SMG6: variants seen among roughly 807,000 people sequenced by gnomAD.
The protein encoded by SMG6 is SMG6 nonsense mediated mRNA decay factor.
SMG6 carries 66 observed loss-of-function variants against 142.2 expected under a neutral mutation model. The ratio of observed to expected loss-of-function variants is 0.46; its 90% confidence interval spans 0.38 to 0.57. The LOEUF is 0.57. Among genes scored for constraint, SMG6 ranks in the 20% least tolerant of loss-of-function variants. The pLI is 0.00. For missense variants in SMG6, 1,793 were observed against 1,832.0 expected (o/e 0.98, Z 0.39); for synonymous variants, 779 against 702.4 (o/e 1.11, Z -1.72).
chr17:2,188,383 G>T lies in SMG6; in HGVS notation c.2986+16C>A. On this transcript the variant is annotated intron_variant, in intron 11 of 18. Coordinates refer to ENST00000263073, the MANE Select transcript of SMG6 (RefSeq NM_017575.5). ...CAACTGGAAAGCCCACCAGGCTGGGGACTCCTCCTGCTTACCTTTGGCGGA... is the reference window on the plus strand; with the variant it reads ...CAACTGGAAAGCCCACCAGGCTGGGTACTCCTCCTGCTTACCTTTGGCGGA... 1 of 1,610,318 alleles carries T rather than the reference G, an allele frequency of 6.2e-7. No individual in the cohort carries two copies. The highest frequency in any genetic ancestry group is 1.7e-4 in the Middle Eastern group (1 of 6,048).
chr17:2,168,086 T>C (rs771666417), intron 13 of SMG6, among the ~76,000 whole-genome samples: 7 of 152,188 alleles, frequency 4.6e-5, no homozygotes, highest in Non-Finnish European at 1.0e-4. Flanking sequence ...CAGGCTGGTT[T>C]AGAGATCCTG....
At chr17:2,066,280 G>A (rs1036656411) in intron 16 of SMG6, among the ~76,000 whole-genome samples, 1 of 151,460 alleles carries the variant, frequency 6.6e-6, no homozygotes, top group African/African-American at 2.4e-5. Context: ...GTCTGTGTGC[G>A]TGTATGTGTC....
chr17:2,237,820 G>A (rs2073705090), intron 9 of SMG6, among the ~76,000 whole-genome samples: 1 of 152,174 alleles, frequency 6.6e-6, no homozygotes. Context: ...GCAAGTTCAA[G>A]CTTGGTGCTA....
chr17:2,123,758 G>C (rs2069778377), intron 13 of SMG6, among the ~76,000 whole-genome samples: 1 of 152,094 alleles, frequency 6.6e-6, no homozygotes, highest in African/African-American at 2.4e-5. Context: ...GATCTTGGAT[G>C]GAGTGCAGAG....
At chr17:2,112,532 T>A (rs1008587513) in intron 13 of SMG6, among the ~76,000 whole-genome samples, 2 of 93,450 alleles carry the variant, frequency 2.1e-5, no homozygotes, top group Non-Finnish European at 4.6e-5. Flanking sequence ...AAAAAATAAA[T>A]AAATAAATAA....
intron 13 of SMG6, among the ~76,000 whole-genome samples, chr17:2,100,074 G>A (rs1483971147): frequency 8.5e-6 from 1 of 117,100 alleles, no homozygotes. Context: ...GTCTTGCTTT[G>A]TTGCCCAGGC....
At chr17:2,180,991 C>T (rs1237737391) in intron 12 of SMG6, among the ~76,000 whole-genome samples, 1 of 152,192 alleles carries the variant, frequency 6.6e-6, no homozygotes, top group African/African-American at 2.4e-5. Flanking sequence ...TTTCCAAACC[C>T]TTCAAAACGA....
chr17:2,167,131 C>CAAAAAAAA (rs57898779), intron 13 of SMG6, among the ~76,000 whole-genome samples: 58 of 35,654 alleles, frequency 1.6e-3, no homozygotes, highest in South Asian at 2.5e-3. Context: ...GACTCCATCT[C>CAAAAAAAA]AAAAAAAAAA....
intron 13 of SMG6, among the ~76,000 whole-genome samples, chr17:2,121,990 C>T (rs1358758444): frequency 2.0e-5 from 3 of 152,120 alleles, no homozygotes; most frequent in East Asian, 1.9e-4. Flanking sequence ...CCCGTCACCA[C>T]ATCCAGCTCA....
At chr17:2,214,982 A>G (rs2072971747) in intron 10 of SMG6, among the ~76,000 whole-genome samples, 1 of 152,330 alleles carries the variant, frequency 6.6e-6, no homozygotes, top group Admixed American at 6.5e-5. Context: ...CAGGAAAAAC[A>G]CAGCAGCCAA....
Position 2,186,718 on chromosome 17 carries a change from G to A in SMG6, c.3100C>T (p.Leu1034Phe), listed in dbSNP as rs1250640562. 20 of 1,614,228 alleles carry A rather than the reference G, an allele frequency of 1.2e-5. No homozygotes were observed. Among genetic ancestry groups the A allele is most frequent in the Non-Finnish European group, 1.7e-5 (20 of 1,180,046 alleles). Reference protein sequence around the residue: ...PSVKVWSDWMLGYPDTWNPPP... With the variant: ...PSVKVWSDWMFGYPDTWNPPP... ...GGATTCCAGGTGTCCGGGTAGCCGAGCATCCAATCTGACCAGACTTTGACA... is the reference window on the plus strand; with the variant it reads ...GGATTCCAGGTGTCCGGGTAGCCGAACATCCAATCTGACCAGACTTTGACA... Residue 1034 changes from leucine to phenylalanine, a missense_variant, in exon 12 of 19, where the codon CTC becomes TTC. Physicochemically the swap from Leu to Phe is conservative, Grantham distance 22 (BLOSUM62 0). This residue lies in a region of SMG6 where 1,597 missense variants were observed against 1,584.6 expected (regional missense o/e 1.01). Transcript: ENST00000263073.
chr17:2,069,717 C>T (rs987488357), intron 15 of SMG6, among the ~76,000 whole-genome samples: 1 of 152,212 alleles, frequency 6.6e-6, no homozygotes, highest in Non-Finnish European at 1.5e-5. Flanking sequence ...GAAGTCCGTG[C>T]AATGTGATGA....
intron 15 of SMG6, among the ~76,000 whole-genome samples, chr17:2,073,326 C>T (rs1371362853): frequency 2.6e-5 from 4 of 152,050 alleles, no homozygotes; most frequent in Middle Eastern, 3.4e-3. Flanking sequence ...TCAGGTGATC[C>T]GCCCGCCTCG....
At chr17:2,210,013 T>C (rs2072800086) in intron 10 of SMG6, among the ~76,000 whole-genome samples, 1 of 152,060 alleles carries the variant, frequency 6.6e-6, no homozygotes, top group Non-Finnish European at 1.5e-5. Flanking sequence ...CACCGCACCT[T>C]CCCAGGTAAC....
chr17:2,080,914 C>T (rs572785994), intron 15 of SMG6, among the ~76,000 whole-genome samples: 47 of 152,310 alleles, frequency 3.1e-4, no homozygotes, highest in African/African-American at 1.1e-3. Context: ...GGATGACAGG[C>T]GTGAGCCACC....
chr17:2,280,687 G>T, intron 8 of SMG6: 1 of 645,592 alleles, frequency 1.5e-6, no homozygotes, highest in Non-Finnish European at 1.9e-6. Flanking sequence ...AAAATATATA[G>T]TTTCATCAAT....
chr17:2,137,484 G>A (rs1335971943), intron 13 of SMG6, among the ~76,000 whole-genome samples: 4 of 151,986 alleles, frequency 2.6e-5, no homozygotes, highest in African/African-American at 4.8e-5. Flanking sequence ...ACTCGCTGCA[G>A]ATTCGCTTAC....
In SMG6 at chr17:2,194,181, G is replaced by A. The variant is rs140377235; in HGVS notation, c.2870-5666C>T. Among the ~76,000 whole-genome samples the A allele has an allele frequency of 6.4e-4, 97 of 152,320 alleles. 1 individual carries two copies. In the East Asian group the frequency reaches 0.018, roughly 28 times the overall value. The stretch of plus-strand genomic sequence containing the variant: ...GGACCACATGTACTACTTGAGGCAC[G>A]CAAGTACTGTGTGTGCTGTGCTCTA... On this transcript the variant is annotated intron_variant, in intron 10 of 18. Coordinates refer to ENST00000263073, the MANE Select transcript of SMG6 (RefSeq NM_017575.5).
chr17:2,290,865 T>C (rs190139516), intron 6 of SMG6, among the ~76,000 whole-genome samples: 4 of 152,176 alleles, frequency 2.6e-5, no homozygotes, highest in Non-Finnish European at 5.9e-5. Context: ...ACGCTCAACA[T>C]CGTGTGTCAT....
Sources: gnomAD v4.1 joint callset for allele counts (sites outside exome capture counted in the v4.1 genomes callset) on GRCh38, gnomAD v4.1.1 for gene constraint, gnomAD v4.1.1 regional missense constraint, MANE v1.5 for transcripts, NCBI Gene and HGNC (gene_info 2026-07-23, HGNC 2026-07-21) for gene names.